Variants in TLR1 observed in about 807,000 individuals in gnomAD.
TLR1 encodes the protein toll-like receptor 1.
Under a neutral mutation model 20.2 loss-of-function variants are expected in TLR1, and 19 were observed. That is an observed-to-expected ratio of 0.94 (90% CI 0.66 to 1.38). TLR1 has a LOEUF of 1.38. Among genes scored for constraint, TLR1 ranks in the 40% most tolerant of loss-of-function variants. The pLI is 0.00. For synonymous variants in TLR1, 320 were observed against 334.5 expected (o/e 0.96, Z 0.47); for missense variants, 921 against 910.0 (o/e 1.01, Z -0.16).
intron 2 of TLR1, among the ~76,000 whole-genome samples, chr4:38,801,807 A>G (rs542126562): frequency 2.0e-5 from 3 of 152,340 alleles, no homozygotes; most frequent in Admixed American, 2.0e-4. Context: ...CCCAAGTGTT[A>G]GAGTAGGTAC....
intron 2 of TLR1, among the ~76,000 whole-genome samples, chr4:38,801,478 T>C (rs918122042): frequency 3.3e-5 from 5 of 152,170 alleles, no homozygotes; most frequent in Non-Finnish European, 5.9e-5. Flanking sequence ...GGAATAAAAA[T>C]AATACCCTGG....
intron 3 of TLR1, among the ~76,000 whole-genome samples, chr4:38,799,712 G>T (rs774829966): frequency 2.0e-5 from 3 of 152,150 alleles, no homozygotes; most frequent in South Asian, 4.1e-4. Context: ...GTGGTATTGG[G>T]ACTGCTCTTC....
chr4:38,801,433 C>G (rs1183585649), intron 2 of TLR1, among the ~76,000 whole-genome samples: 1 of 152,200 alleles, frequency 6.6e-6, no homozygotes, highest in African/African-American at 2.4e-5. Flanking sequence ...CATTCTGGTA[C>G]TTTGTTACAG....
At chr4:38,804,039 A>G (rs1726855917) in intron 2 of TLR1, among the ~76,000 whole-genome samples, 1 of 152,202 alleles carries the variant, frequency 6.6e-6, no homozygotes, top group Non-Finnish European at 1.5e-5. Context: ...TCTGCACAAG[A>G]CCAAATAGCT....
downstream of TLR1, among the ~76,000 whole-genome samples, chr4:38,795,459 G>A (rs998740362): frequency 6.6e-6 from 1 of 152,178 alleles, no homozygotes; most frequent in African/African-American, 2.4e-5. Context: ...GTTCCCCAAA[G>A]AGACAGATGC....
chr4:38,795,643 C>T (rs1032645670), downstream of TLR1, among the ~76,000 whole-genome samples: 2 of 152,162 alleles, frequency 1.3e-5, no homozygotes, highest in Admixed American at 1.3e-4. Context: ...TCTGGGCTCC[C>T]TCATAAGCAG....
chr4:38,798,858 T>G lies in TLR1; in HGVS notation c.-27A>C, dbSNP rs750739378. 1 of 1,507,886 alleles carries G rather than the reference T, an allele frequency of 6.6e-7. No individual in the cohort carries two copies. Among genetic ancestry groups the G allele is most frequent in the South Asian group, 1.3e-5 (1 of 77,668 alleles). The allele number at this position is 1,507,886 out of a possible 1,614,324, so 93.4% of individuals were successfully genotyped here. A position where few individuals can be genotyped will look rare whatever the true frequency, so the allele number is the denominator to read the frequency against. On this transcript the variant is annotated 5_prime_UTR_variant, in exon 4 of 4. Transcript: ENST00000308979. The stretch of plus-strand genomic sequence containing the variant: ...TTGGAACACTAGACATTCCTAAAGG[T>G]AGAAGCTGTTCTTCAGATCATCTTG...
chr4:38,792,845 T>C (rs548986348), downstream of TLR1, among the ~76,000 whole-genome samples: 23 of 103,996 alleles, frequency 2.2e-4, no homozygotes, highest in South Asian at 6.5e-3. Flanking sequence ...AGCATGAGTA[T>C]TTTCAAATTA....
rs1363426298 is a variant in TLR1 at position 38,798,901 on chromosome 4, AG to A, written c.-67-4del. 1.3e-5 allele frequency: 15 copies of A among 1,185,802 alleles called. No individual in the cohort carries two copies. Among genetic ancestry groups the A allele is most frequent in the Non-Finnish European group, 1.6e-5 (14 of 856,032 alleles). The allele number at this position is 1,185,802 out of a possible 1,614,324, so 73.5% of individuals were successfully genotyped here. On this transcript the variant is annotated splice_polypyrimidine_tract_variant and splice_region_variant and intron_variant, in intron 3 of 3. Transcript: ENST00000308979. The stretch of plus-strand genomic sequence containing the variant: ...TCATCTTGATACAGATACAGATTCT[AG>A]AAAAAAAATAATGAAATGATGAAAT...
At chr4:38,794,217 C>A (rs1725884287), downstream of TLR1, among the ~76,000 whole-genome samples, 1 of 152,210 alleles carries the variant, frequency 6.6e-6, no homozygotes, top group South Asian at 2.1e-4. Context: ...AAGTTCAATA[C>A]AGAAAGTGCA....
downstream of TLR1, among the ~76,000 whole-genome samples, chr4:38,795,498 T>C (rs1172971214): frequency 1.3e-5 from 2 of 152,220 alleles, no homozygotes; most frequent in Non-Finnish European, 2.9e-5. Context: ...ATATCAACTA[T>C]ATTCTTCCTT....
intron 3 of TLR1, chr4:38,800,606 A>G (rs1404037867): frequency 1.3e-5 from 2 of 151,886 alleles, no homozygotes; most frequent in South Asian, 2.1e-4. Flanking sequence ...ACCTCCAGAG[A>G]CCCTTTCAGC....
At chr4:38,799,362 G>C (rs1560461451) in intron 3 of TLR1, among the ~76,000 whole-genome samples, 1 of 152,176 alleles carries the variant, frequency 6.6e-6, no homozygotes, top group African/African-American at 2.4e-5. Context: ...AGACACAGAG[G>C]AGAAGGCCTT....
Position 38,798,640 on chromosome 4 carries a change from GT to G in TLR1, c.191del (p.Asp64AlafsTer8). 6.2e-7 allele frequency: 1 copy of G among 1,613,824 alleles called. No individual in the cohort carries two copies. The highest frequency in any genetic ancestry group is 8.5e-7 in the Non-Finnish European group (1 of 1,179,826). On this transcript the variant is annotated frameshift_variant, in exon 4 of 4. Transcript: ENST00000308979. LOFTEE classifies it low-confidence loss of function (END_TRUNC). ...QNYISELWTS[D>X]ILSLSKLRIL... is the part of the protein sequence containing the mutation. ...TCCTCAGTTTTGACAGTGATAAGATGTCAGAAGTCCAAAGCTCAGATATATA... is the reference window on the plus strand; with the variant it reads ...TCCTCAGTTTTGACAGTGATAAGATGCAGAAGTCCAAAGCTCAGATATATA...
In TLR1 at chr4:38,798,371, G is replaced by A; in HGVS notation, c.461C>T (p.Ser154Phe). ...LGLSTTHLEK[S>F]SVLPIAHLNI... is the part of the protein sequence containing the mutation. ...CAAATGAGCAATTGGCAGCACACTAGATTTTTCTAAGTGTGTGGTGCTCAA... is the reference window on the plus strand; with the variant it reads ...CAAATGAGCAATTGGCAGCACACTAAATTTTTCTAAGTGTGTGGTGCTCAA... Residue 154 changes from serine (S) to phenylalanine (F), a missense_variant, in exon 4 of 4, where the codon TCT becomes TTT. By Grantham distance (155) the Ser-to-Phe change is radical. Coordinates refer to ENST00000308979, the MANE Select transcript of TLR1 (RefSeq NM_003263.4). The A allele has an allele frequency of 6.2e-7, 1 of 1,613,940 alleles. No homozygotes were observed.
downstream of TLR1, among the ~76,000 whole-genome samples, chr4:38,795,413 T>C (rs1725977310): frequency 6.6e-6 from 1 of 152,232 alleles, no homozygotes; most frequent in African/African-American, 2.4e-5. Context: ...TATCCATTCC[T>C]TACACTGCCC....
At chr4:38,802,478 G>A (rs747462982) in intron 2 of TLR1, among the ~76,000 whole-genome samples, 5 of 152,244 alleles carry the variant, frequency 3.3e-5, no homozygotes, top group Non-Finnish European at 7.3e-5. Context: ...AGTAAACACA[G>A]TGTGTGTGCA....
rs1726075700 is a variant in TLR1 at position 38,796,601 on chromosome 4, T to C, written c.2231A>G (p.His744Arg). 2.5e-6 allele frequency: 4 copies of C among 1,614,196 alleles called. No individual in the cohort carries two copies. Among genetic ancestry groups the C allele is most frequent in the Non-Finnish European group, 3.4e-6 (4 of 1,180,032 alleles). The change falls in exon 4 of 4, where the codon CAC (histidine) becomes CGC (arginine). Residue 744 changes from histidine (H) to arginine (R), a missense_variant. Physicochemically the swap from His to Arg is conservative, Grantham distance 29. Coordinates refer to ENST00000308979, the MANE Select transcript of TLR1 (RefSeq NM_003263.4). ...CCTGGCCATGAGACTTTTGAGCTTG[T>C]GATAACTGCTAGGAATGGAGTACTG... is the stretch of plus-strand genomic sequence containing the variant. ...IPQYSIPSSY[H>R]KLKSLMARRT...
chr4:38,798,623 T>G lies in TLR1; in HGVS notation c.209A>C (p.Lys70Thr). The change falls in exon 4 of 4, where the codon AAA (lysine) becomes ACA (threonine). Residue 70 changes from lysine to threonine, a missense_variant. By Grantham distance (78) the Lys-to-Thr change is moderately conservative. Transcript: ENST00000308979. ...LWTSDILSLS[K>T]LRILIISHNR... ...ATGAGAAATTATCAAAATCCTCAGT[T>G]TTGACAGTGATAAGATGTCAGAAGT... 6.2e-7 allele frequency: 1 copy of G among 1,613,808 alleles called. No homozygotes were observed. Among genetic ancestry groups the G allele is most frequent in the Non-Finnish European group, 8.5e-7 (1 of 1,179,780 alleles).
Sources: gnomAD v4.1 joint callset for allele counts (sites outside exome capture counted in the v4.1 genomes callset) on GRCh38, gnomAD v4.1.1 for gene constraint, MANE v1.5 for transcripts, NCBI Gene and HGNC (gene_info 2026-07-23, HGNC 2026-07-21) for gene names.